The following RELN variants were observed in gnomAD, a reference collection of about 807,000 sequenced individuals.
RELN encodes reelin.
Under a neutral mutation model 427.6 loss-of-function variants are expected in RELN, and 108 were observed. That is an observed-to-expected ratio of 0.25 (90% CI 0.22 to 0.30). The LOEUF (loss-of-function observed/expected upper bound fraction) is 0.30, where lower values mean the gene tolerates loss of function less well. RELN is among the 10% of genes least tolerant of loss of function. The pLI is 1.00. For missense variants in RELN, 3,715 were observed against 4,302.8 expected (o/e 0.86, Z 3.82); for synonymous variants, 1,524 against 1,513.4 (o/e 1.01, Z -0.16).
chr7:103,646,663 G>A, intron 16 of RELN, among the ~76,000 whole-genome samples: 1 of 149,674 alleles, frequency 6.7e-6, no homozygotes, highest in East Asian at 1.9e-4. Flanking sequence ...CTCAGGACGA[G>A]ACTAATTCAC....
intron 3 of RELN, among the ~76,000 whole-genome samples, chr7:103,833,060 T>A (rs541620631): frequency 1.3e-5 from 2 of 152,288 alleles, no homozygotes; most frequent in Admixed American, 6.5e-5. Context: ...TTTGGGATGA[T>A]TAAATCAAGC....
intron 1 of RELN, among the ~76,000 whole-genome samples, chr7:103,974,456 C>A (rs1288178301): frequency 6.9e-6 from 1 of 144,822 alleles, no homozygotes; most frequent in African/African-American, 2.6e-5. Context: ...ATTAAAATAT[C>A]TAAATATGTT....
At chr7:103,760,297 G>A (rs1210257172) in intron 4 of RELN, among the ~76,000 whole-genome samples, 5 of 151,836 alleles carry the variant, frequency 3.3e-5, no homozygotes, top group Admixed American at 1.3e-4. Flanking sequence ...CTGTGCATAT[G>A]CTCTTTCAAA....
At chr7:103,776,186 A>C (rs1448907064) in intron 4 of RELN, among the ~76,000 whole-genome samples, 1 of 152,238 alleles carries the variant, frequency 6.6e-6, no homozygotes, top group Non-Finnish European at 1.5e-5. Context: ...AATATGATCA[A>C]ATGTTAAAAG....
chr7:103,902,290 C>CAT (rs1795099548), intron 2 of RELN, among the ~76,000 whole-genome samples: 1 of 151,976 alleles, frequency 6.6e-6, no homozygotes, highest in Non-Finnish European at 1.5e-5. Flanking sequence ...GCTATCAAAT[C>CAT]ATATAAAAGT....
intron 51 of RELN, among the ~76,000 whole-genome samples, chr7:103,509,801 G>GAA (rs113448600): frequency 1.3e-4 from 20 of 148,402 alleles, no homozygotes; most frequent in East Asian, 3.9e-4. Flanking sequence ...AAATTTACAA[G>GAA]AAAAAAAAAA....
intron 3 of RELN, among the ~76,000 whole-genome samples, chr7:103,786,472 G>T (rs1202593301): frequency 1.4e-5 from 2 of 139,022 alleles, no homozygotes; most frequent in African/African-American, 5.4e-5. Context: ...ACACACATAG[G>T]CCCAAAATAA....
chr7:103,501,277 C>G (rs1239215057), intron 52 of RELN, among the ~76,000 whole-genome samples: 2 of 152,202 alleles, frequency 1.3e-5, no homozygotes, highest in Admixed American at 1.3e-4. Context: ...TTTAGATTCA[C>G]TAATTGCATT....
intron 2 of RELN, among the ~76,000 whole-genome samples, chr7:103,911,550 C>A (rs1795366126): frequency 1.3e-5 from 2 of 150,126 alleles, no homozygotes; most frequent in Non-Finnish European, 1.5e-5. Flanking sequence ...AAGACACATG[C>A]ACACGTATGT....
At chr7:103,891,055 C>A (rs1794838630) in intron 2 of RELN, among the ~76,000 whole-genome samples, 1 of 152,084 alleles carries the variant, frequency 6.6e-6, no homozygotes, top group Admixed American at 6.5e-5. Flanking sequence ...GCACTCCAGC[C>A]TGAACAACAG....
At chr7:103,568,076 C>T (rs1266881552) in intron 31 of RELN, among the ~76,000 whole-genome samples, 3 of 152,270 alleles carry the variant, frequency 2.0e-5, no homozygotes, top group East Asian at 1.9e-4. Context: ...AGATTAAAGG[C>T]GTGAGCCATT....
chr7:103,764,976 C>T (rs1229415918), intron 4 of RELN, among the ~76,000 whole-genome samples: 1 of 151,768 alleles, frequency 6.6e-6, no homozygotes, highest in Admixed American at 6.6e-5. Context: ...TTAGTTGGCA[C>T]CCTAGTGGGT....
intron 2 of RELN, among the ~76,000 whole-genome samples, chr7:103,886,892 G>A (rs1794736281): frequency 1.3e-5 from 2 of 152,236 alleles, no homozygotes; most frequent in African/African-American, 2.4e-5. Context: ...GATAGAAAGT[G>A]GACAGGAGGA....
At chr7:103,561,445 A>G (rs1830639059) in intron 36 of RELN, 87 bp downstream of exon 36, 2 of 1,054,132 alleles carry the variant, frequency 1.9e-6, no homozygotes, top group African/African-American at 3.1e-5. Flanking sequence ...ATTTGAAGAG[A>G]TTCAGAAATC....
rs76394975 is a variant in RELN at position 103,715,246 on chromosome 7, A to G, written c.805+7894T>C. ...GGATATTAAGGATTAAGAGAGGTCAAATAAAGTAGAAAAATAAAATCAATA... is the reference window on the plus strand; with the variant it reads ...GGATATTAAGGATTAAGAGAGGTCAGATAAAGTAGAAAAATAAAATCAATA... On this transcript the variant is annotated intron_variant, in intron 8 of 64. Transcript: ENST00000428762. Among the ~76,000 whole-genome samples the G allele has an allele frequency of 2.2e-3, 342 of 152,338 alleles. 12 individuals carry two copies. In the East Asian group the frequency reaches 0.063, roughly 28 times the overall value.
Position 103,989,590 on chromosome 7 carries a change from G to A in RELN, c.-234C>T, listed in dbSNP as rs1797184879. On this transcript the variant is annotated 5_prime_UTR_variant, in exon 1 of 65. Transcript: ENST00000428762. This position sits in a 1 kb window ranked among gnomAD's most constrained non-coding sequence, Gnocchi z 4.9. ...GCGCGGGACCGGGGCTGCGGGCGCC[G>A]AGAGCGCGTCGTCTGCCGCCTCCGT... The A allele has an allele frequency of 5.1e-6, 2 of 389,154 alleles. No individual in the cohort carries two copies. Among genetic ancestry groups the A allele is most frequent in the Non-Finnish European group, 8.8e-6 (2 of 227,370 alleles). 24.1% of individuals were successfully genotyped at this position (389,154 alleles called of 1,614,324 possible). A position where few individuals can be genotyped will look rare whatever the true frequency, so the allele number is the denominator to read the frequency against.
rs1223552734 is a variant in RELN at position 103,557,027 on chromosome 7, G to C, written c.5747C>G (p.Thr1916Ser). ...GAATCTTGTAGCATTGGTTTGGGCA[G>C]TGTATGGCAAGGGAACATTGATGAA... ...ILFINVPLPY[T>S]AQTNATRFRL... Residue 1916 changes from threonine to serine, a missense_variant, in exon 38 of 65, where the codon ACT becomes AGT. Transcript: ENST00000428762. The C allele has an allele frequency of 1.2e-6, 2 of 1,613,734 alleles. No homozygotes were observed. The highest frequency in any genetic ancestry group is 1.3e-5 in the African/African-American group (1 of 74,936).
At chr7:103,945,283 TTCCCTTACCTAGGA>T (rs1393845892) in intron 1 of RELN, among the ~76,000 whole-genome samples, 1 of 152,148 alleles carries the variant, frequency 6.6e-6, no homozygotes, top group Non-Finnish European at 1.5e-5. Context: ...TGTCATTTTA[TTCCCTTACCTAGGA>T]TCAGTCTTGA....
intron 2 of RELN, among the ~76,000 whole-genome samples, chr7:103,883,808 C>T (rs1794663407): frequency 6.6e-6 from 1 of 152,190 alleles, no homozygotes; most frequent in Non-Finnish European, 1.5e-5. Context: ...GATTAACACT[C>T]CATGTTGCTG....
Sources: gnomAD v4.1 joint callset for allele counts (sites outside exome capture counted in the v4.1 genomes callset) on GRCh38, gnomAD v4.1.1 for gene constraint, Gnocchi (gnomAD v3.1) non-coding constraint, MANE v1.5 for transcripts, NCBI Gene and HGNC (gene_info 2026-07-23, HGNC 2026-07-21) for gene names.